The following KAZN variants were observed in gnomAD, a reference collection of about 807,000 sequenced individuals.
KAZN encodes the protein kazrin.
In KAZN, 40 loss-of-function variants were observed where a neutral mutation model predicts 87.4. The observed-to-expected ratio is 0.46, with a 90% CI of 0.36 to 0.60. The LOEUF is 0.60. KAZN is among the 20% of genes least tolerant of loss of function. The probability of loss-of-function intolerance (pLI) is 0.00; values close to 1 mark genes in which losing one functional copy is unlikely to be tolerated. For missense variants in KAZN, 898 were observed against 1,073.9 expected (o/e 0.84, Z 2.29); for synonymous variants, 466 against 458.3 (o/e 1.02, Z -0.22).
Position 14,896,041 on chromosome 1 carries a change from C to CTTTTTTTTTTTTTTT in KAZN, c.227-64626_227-64612dup, listed in dbSNP as rs201188620. 7.8e-5 allele frequency among the ~76,000 whole-genome samples: 11 copies of CTTTTTTTTTTTTTTT among 140,720 alleles called. 1 individual carries two copies. Among genetic ancestry groups the CTTTTTTTTTTTTTTT allele is most frequent in the African/African-American group, 3.0e-4 (11 of 36,192 alleles). 92.3% of individuals were successfully genotyped at this position (140,720 alleles called of 152,430 possible). ...CAGTAAGTACAAATGAAAAAGACGC[C>CTTTTTTTTTTTTTTT]TTTTTTTTTTTTTTTTTTTTTTTTT... On this transcript the variant is annotated intron_variant, in intron 1 of 14. Transcript: ENST00000376030.
intron 1 of KAZN, among the ~76,000 whole-genome samples, chr1:14,162,669 C>T (rs1404595159): frequency 6.6e-6 from 1 of 151,952 alleles, no homozygotes; most frequent in African/African-American, 2.4e-5. Flanking sequence ...CTCAGCCTCC[C>T]AAATAGCTGG....
intron 1 of KAZN, among the ~76,000 whole-genome samples, chr1:13,945,501 T>G (rs1485194403): frequency 6.8e-6 from 1 of 147,168 alleles, no homozygotes; most frequent in South Asian, 2.2e-4. Context: ...TTAGAATTGA[T>G]CAGGAATGTG....
At chr1:14,014,678 T>C (rs1640479139) in intron 1 of KAZN, among the ~76,000 whole-genome samples, 3 of 152,210 alleles carry the variant, frequency 2.0e-5, no homozygotes. Flanking sequence ...ATAAATGTCC[T>C]TAAAAATCAA....
chr1:14,440,146 G>A (rs1666615764), intron 2 of KAZN, among the ~76,000 whole-genome samples: 1 of 152,166 alleles, frequency 6.6e-6, no homozygotes, highest in African/African-American at 2.4e-5. Context: ...TTCACTGCAT[G>A]TCCCCAGCAC....
At position 15,114,811 on chromosome 1, in the gene KAZN, A is replaced by G. The variant is rs1402033561; in HGVS notation, c.*176A>G. The G allele has an allele frequency of 1.7e-5, 10 of 598,146 alleles. No homozygotes were observed. Among genetic ancestry groups the G allele is most frequent in the Admixed American group, 3.1e-5 (1 of 32,770 alleles). 37.1% of individuals were successfully genotyped at this position (598,146 alleles called of 1,614,324 possible). A position where few individuals can be genotyped will look rare whatever the true frequency, so the allele number is the denominator to read the frequency against. On this transcript the variant is annotated 3_prime_UTR_variant, in exon 15 of 15. Transcript: ENST00000376030. ...AGCTCCACAGCGCCCAGGAGAGAGA[A>G]GACACCAGCCCACCTGTCTTGGGTG...
At chr1:14,258,619 T>C (rs1009070432) in intron 2 of KAZN, among the ~76,000 whole-genome samples, 1 of 152,212 alleles carries the variant, frequency 6.6e-6, no homozygotes, top group Non-Finnish European at 1.5e-5. Flanking sequence ...GAGAACCAAA[T>C]GCATTGGCGA....
chr1:14,354,076 C>T (rs1341522374), intron 2 of KAZN, among the ~76,000 whole-genome samples: 2 of 151,760 alleles, frequency 1.3e-5, no homozygotes, highest in Non-Finnish European at 2.9e-5. Flanking sequence ...CTAAAGAGTC[C>T]AGAAATAGAT....
chr1:14,792,536 G>T (rs938180833), intron 1 of KAZN, among the ~76,000 whole-genome samples: 1 of 152,142 alleles, frequency 6.6e-6, no homozygotes, highest in Admixed American at 6.5e-5. Flanking sequence ...TGGAGGTTTA[G>T]TGGCTTCCAA....
intron 1 of KAZN, among the ~76,000 whole-genome samples, chr1:14,614,876 A>G (rs1042439242): frequency 1.3e-5 from 2 of 152,228 alleles, no homozygotes; most frequent in African/African-American, 2.4e-5. Context: ...GTCCATTGCC[A>G]AGTGCAAATG....
At chr1:14,842,001 G>A (rs1648077679) in intron 1 of KAZN, among the ~76,000 whole-genome samples, 1 of 152,132 alleles carries the variant, frequency 6.6e-6, no homozygotes, top group Non-Finnish European at 1.5e-5. Context: ...CTCCTTCAGG[G>A]CTTTGCTGGG....
intron 1 of KAZN, among the ~76,000 whole-genome samples, chr1:14,697,776 CTG>C (rs1044419822): frequency 6.6e-6 from 1 of 152,270 alleles, no homozygotes; most frequent in Non-Finnish European, 1.5e-5. Context: ...TATGTTAAAA[CTG>C]TGGTCTCAGG....
At position 14,850,465 on chromosome 1, in the gene KAZN, G is replaced by A. The variant is rs566572935; in HGVS notation, c.227-110219G>A. ...GGAGGCTTATACGGCTAACATCATC[G>A]CCATTTTACAGACGAGAAAACCAAG... On this transcript the variant is annotated intron_variant, in intron 1 of 14. Coordinates refer to ENST00000376030, the MANE Select transcript of KAZN (RefSeq NM_201628.3). Among the ~76,000 whole-genome samples, 6 of 152,142 alleles carry A rather than the reference G, an allele frequency of 3.9e-5. No homozygotes were observed. In the East Asian group the frequency reaches 5.8e-4, roughly 15 times the overall value.
chr1:14,013,001 A>G lies in KAZN; in HGVS notation c.91+119245A>G, dbSNP rs1331498546. ...GATAGAGACCAGCATCCCTGCCCTG[A>G]GACACCTCTTAGCGGGTCCTAGACC... is the stretch of plus-strand genomic sequence containing the variant. On this transcript the variant is annotated intron_variant, in intron 1 of 16. Transcript: ENST00000636203. Among the ~76,000 whole-genome samples the G allele has an allele frequency of 2.6e-5, 4 of 152,206 alleles. No homozygotes were observed. In the East Asian group the frequency reaches 7.7e-4, roughly 29 times the overall value.
chr1:14,622,522 C>G (rs1678779823), intron 1 of KAZN, among the ~76,000 whole-genome samples: 1 of 151,658 alleles, frequency 6.6e-6, no homozygotes, highest in Non-Finnish European at 1.5e-5. Context: ...AACCCCGTCT[C>G]TACTAAAAAT....
intron 2 of KAZN, among the ~76,000 whole-genome samples, chr1:14,366,939 T>C (rs538456612): frequency 6.6e-6 from 1 of 152,250 alleles, no homozygotes; most frequent in Non-Finnish European, 1.5e-5. Context: ...TTATTGCCAA[T>C]GAAAATGGCT....
At chr1:14,183,829 C>T (rs938934979) in intron 2 of KAZN, among the ~76,000 whole-genome samples, 1 of 152,122 alleles carries the variant, frequency 6.6e-6, no homozygotes, top group Non-Finnish European at 1.5e-5. Flanking sequence ...GGGTAGAGAA[C>T]TTTCTGTGCA....
intron 1 of KAZN, among the ~76,000 whole-genome samples, chr1:14,765,288 C>T (rs1056680057): frequency 2.0e-5 from 3 of 152,206 alleles, no homozygotes; most frequent in Non-Finnish European, 2.9e-5. Flanking sequence ...CAGTTGCAAA[C>T]CACTGCTGTA....
intron 2 of KAZN, among the ~76,000 whole-genome samples, chr1:14,586,386 C>T (rs1477560331): frequency 6.6e-6 from 1 of 152,182 alleles, no homozygotes; most frequent in East Asian, 1.9e-4. Context: ...CTTAAACAAA[C>T]AGAAACAAAT....
intron 1 of KAZN, among the ~76,000 whole-genome samples, chr1:14,169,494 CTGGAG>C (rs755885339): frequency 6.6e-6 from 1 of 152,198 alleles, no homozygotes; most frequent in African/African-American, 2.4e-5. Context: ...GCCCAATCAA[CTGGAG>C]TGGAGTGAAG....
Sources: gnomAD v4.1 joint callset for allele counts (sites outside exome capture counted in the v4.1 genomes callset) on GRCh38, gnomAD v4.1.1 for gene constraint, MANE v1.5 for transcripts, NCBI Gene and HGNC (gene_info 2026-07-23, HGNC 2026-07-21) for gene names.